Variants in POU6F2 observed in about 807,000 individuals in gnomAD.
POU6F2 encodes POU domain, class 6, transcription factor 2.
In POU6F2, 31 loss-of-function variants were observed where a neutral mutation model predicts 71.3. The observed-to-expected ratio is 0.43, with a 90% CI of 0.33 to 0.59. The LOEUF (loss-of-function observed/expected upper bound fraction) is 0.59, where lower values mean the gene tolerates loss of function less well. Among genes scored for constraint, POU6F2 ranks in the 20% least tolerant of loss-of-function variants. POU6F2 has a pLI of 0.04. For missense variants in POU6F2, 783 were observed against 856.8 expected (o/e 0.91, Z 1.07); for synonymous variants, 347 against 355.7 (o/e 0.98, Z 0.27).
intron 1 of POU6F2, among the ~76,000 whole-genome samples, chr7:39,036,707 A>G (rs1054556115): frequency 1.3e-5 from 2 of 151,978 alleles, no homozygotes; most frequent in East Asian, 3.9e-4. Context: ...AAGAAGGAAT[A>G]CCCAGCAAAT....
intron 7 of POU6F2, among the ~76,000 whole-genome samples, chr7:39,435,704 A>G (rs776311268): frequency 6.6e-6 from 1 of 152,202 alleles, no homozygotes; most frequent in Non-Finnish European, 1.5e-5. Flanking sequence ...GTCTTTGCCC[A>G]TGCCTATGTC....
intron 2 of POU6F2, among the ~76,000 whole-genome samples, chr7:39,088,086 A>T (rs1791291579): frequency 6.6e-6 from 1 of 152,214 alleles, no homozygotes; most frequent in African/African-American, 2.4e-5. Flanking sequence ...CAAAACCTAC[A>T]TCTTACATTC....
At chr7:39,118,361 A>T (rs1584551515) in intron 2 of POU6F2, among the ~76,000 whole-genome samples, 1 of 152,202 alleles carries the variant, frequency 6.6e-6, no homozygotes, top group Non-Finnish European at 1.5e-5. Flanking sequence ...CAGGAATGGA[A>T]GGAGGAGCTC....
At chr7:39,232,278 A>T (rs1794591760) in intron 4 of POU6F2, among the ~76,000 whole-genome samples, 1 of 152,190 alleles carries the variant, frequency 6.6e-6, no homozygotes, top group African/African-American at 2.4e-5. Context: ...CTTCTTTCCA[A>T]GCACAAAGGA....
intron 2 of POU6F2, among the ~76,000 whole-genome samples, chr7:39,154,267 T>C (rs1792818284): frequency 6.6e-6 from 1 of 152,172 alleles, no homozygotes; most frequent in Non-Finnish European, 1.5e-5. Flanking sequence ...AGCTGCAGCA[T>C]GCGCTTTGGA....
chr7:39,400,410 A>C (rs1182899131), intron 5 of POU6F2, among the ~76,000 whole-genome samples: 2 of 152,290 alleles, frequency 1.3e-5, no homozygotes, highest in East Asian at 3.9e-4. Flanking sequence ...TTGGGCTTTC[A>C]ATGACCTGCA....
rs114166747 is a variant in POU6F2 at position 39,178,810 on chromosome 7, G to A, written c.278-25425G>A. Among the ~76,000 whole-genome samples the A allele has an allele frequency of 3.2e-3, 485 of 152,280 alleles. 2 individuals carry two copies. The highest frequency in any genetic ancestry group is 0.011 in the African/African-American group (447 of 41,564). On this transcript the variant is annotated intron_variant, in intron 2 of 9. Transcript: ENST00000518318. ...TTGACTGCCAGTTTACCTTCTACTT[G>A]TTGGCTCTGATGGAAGAAGGCTAGT...
At chr7:39,376,264 A>G (rs1786708729) in intron 5 of POU6F2, among the ~76,000 whole-genome samples, 1 of 152,248 alleles carries the variant, frequency 6.6e-6, no homozygotes, top group South Asian at 2.1e-4. Context: ...ACTATAGAAT[A>G]GCGCTGTTGG....
intron 4 of POU6F2, among the ~76,000 whole-genome samples, chr7:39,285,152 A>T (rs1003360977): frequency 2.0e-5 from 3 of 152,082 alleles, no homozygotes; most frequent in East Asian, 1.9e-4. Context: ...TAATCAACAA[A>T]TTTTTTTCTA....
At chr7:39,152,652 T>C (rs962930528) in intron 2 of POU6F2, among the ~76,000 whole-genome samples, 2 of 152,140 alleles carry the variant, frequency 1.3e-5, no homozygotes, top group African/African-American at 4.8e-5. Context: ...TGACTCGGCA[T>C]CCAGCTCTCC....
chr7:39,116,164 C>T (rs907070142), intron 2 of POU6F2, among the ~76,000 whole-genome samples: 7 of 152,128 alleles, frequency 4.6e-5, no homozygotes, highest in East Asian at 3.9e-4. Flanking sequence ...ATGGAAGGAT[C>T]GCTTGAGCCC....
intron 1 of POU6F2, among the ~76,000 whole-genome samples, chr7:39,049,416 A>T (rs2128713614): frequency 6.6e-6 from 1 of 151,822 alleles, no homozygotes; most frequent in African/African-American, 2.4e-5. Context: ...ATTTTCTCTC[A>T]CTCATGGGTG....
chr7:39,445,410 A>G (rs979832345), intron 7 of POU6F2, among the ~76,000 whole-genome samples: 1 of 151,636 alleles, frequency 6.6e-6, no homozygotes, highest in Non-Finnish European at 1.5e-5. Flanking sequence ...TCACCTTCTC[A>G]CTCCCTGCCA....
intron 1 of POU6F2, among the ~76,000 whole-genome samples, chr7:39,081,640 C>T (rs1791119814): frequency 6.6e-6 from 1 of 152,192 alleles, no homozygotes; most frequent in Non-Finnish European, 1.5e-5. Flanking sequence ...ATCTGATGTC[C>T]TGTCTACTAT....
chr7:39,207,655 T>G, intron 4 of POU6F2, 35 bp downstream of exon 4: 1 of 1,578,802 alleles, frequency 6.3e-7, no homozygotes, highest in Non-Finnish European at 8.6e-7. Context: ...CGTAAGGCTC[T>G]ACCCGTTGGC....
intron 4 of POU6F2, among the ~76,000 whole-genome samples, chr7:39,235,481 C>T (rs544751654): frequency 1.2e-4 from 18 of 152,256 alleles, no homozygotes; most frequent in African/African-American, 4.3e-4. Flanking sequence ...CCTTCACCAC[C>T]GGGCCACCCT....
chr7:39,048,249 T>C (rs963551704), intron 1 of POU6F2, among the ~76,000 whole-genome samples: 1 of 151,920 alleles, frequency 6.6e-6, no homozygotes, highest in Admixed American at 6.6e-5. Context: ...GTGTGCAGTT[T>C]TGTTACATAG....
At chr7:39,280,035 G>A (rs1052787095) in intron 4 of POU6F2, among the ~76,000 whole-genome samples, 10 of 151,980 alleles carry the variant, frequency 6.6e-5, no homozygotes, top group Admixed American at 4.6e-4. Flanking sequence ...GTGAGTCTCC[G>A]TGCCCAGCCC....
At chr7:39,053,179 G>C (rs982744105) in intron 1 of POU6F2, among the ~76,000 whole-genome samples, 1 of 152,084 alleles carries the variant, frequency 6.6e-6, no homozygotes. Context: ...TTTCAGAAAT[G>C]GTCCCAAAAT....
Sources: gnomAD v4.1 joint callset for allele counts (sites outside exome capture counted in the v4.1 genomes callset) on GRCh38, gnomAD v4.1.1 for gene constraint, MANE v1.5 for transcripts, NCBI Gene and HGNC (gene_info 2026-07-23, HGNC 2026-07-21) for gene names.